DROSHA: variants seen among roughly 807,000 people sequenced by gnomAD.
DROSHA encodes the protein ribonuclease 3.
In DROSHA, 56 loss-of-function variants were observed where a neutral mutation model predicts 181.9. That is an observed-to-expected ratio of 0.31 (90% confidence interval 0.25 to 0.38). The LOEUF (loss-of-function observed/expected upper bound fraction) is 0.38. Ranked by LOEUF, DROSHA falls within the 10% of genes least tolerant of loss-of-function variation. The pLI is 1.00. For missense variants in DROSHA, 1,218 were observed against 1,743.5 expected (o/e 0.70, Z 5.37); for synonymous variants, 524 against 591.2 (o/e 0.89, Z 1.65).
chr5:31,437,942 C>G (rs1745093886), intron 23 of DROSHA, among the ~76,000 whole-genome samples: 1 of 152,150 alleles, frequency 6.6e-6, no homozygotes, highest in African/African-American at 2.4e-5. Flanking sequence ...CACTGAAAAT[C>G]TACTCACCCC....
At chr5:31,468,880 A>C (rs1178773897) in intron 17 of DROSHA, among the ~76,000 whole-genome samples, 1 of 152,104 alleles carries the variant, frequency 6.6e-6, no homozygotes, top group Admixed American at 6.5e-5. Flanking sequence ...AGAGGCCAAT[A>C]ATCTTCATTC....
intron 11 of DROSHA, 98 bp from the exon 12 acceptor site, chr5:31,495,470 G>A: frequency 8.8e-7 from 1 of 1,138,710 alleles, no homozygotes; most frequent in Non-Finnish European, 1.2e-6. Flanking sequence ...AACAAAACAG[G>A]TTTTATGTCT....
At chr5:31,413,826 T>C (rs1432735955) in intron 30 of DROSHA, among the ~76,000 whole-genome samples, 2 of 152,234 alleles carry the variant, frequency 1.3e-5, no homozygotes, top group Non-Finnish European at 2.9e-5. Flanking sequence ...TTTACCTGGC[T>C]GTAACACCAG....
At chr5:31,448,478 T>A (rs998576539) in intron 23 of DROSHA, 69 bp downstream of exon 23, 28 of 1,387,402 alleles carry the variant, frequency 2.0e-5, no homozygotes, top group Non-Finnish European at 2.6e-5. Flanking sequence ...ATTGTATGCT[T>A]TAAATGAGTA....
intron 11 of DROSHA, among the ~76,000 whole-genome samples, 199 bp from the exon 12 acceptor site, chr5:31,495,571 G>A (rs964959394): frequency 5.3e-5 from 8 of 152,146 alleles, no homozygotes; most frequent in East Asian, 1.9e-4. Context: ...GCTCTCAGCC[G>A]CTTCCTCAGG....
intron 2 of DROSHA, among the ~76,000 whole-genome samples, 156 bp from the exon 3 acceptor site, chr5:31,531,080 C>T (rs764871104): frequency 6.6e-6 from 1 of 152,206 alleles, no homozygotes; most frequent in Non-Finnish European, 1.5e-5. Context: ...ATGGGAAGCA[C>T]TGTCCCAGGC....
In DROSHA at chr5:31,410,747, T is replaced by C. The variant is rs748596228; in HGVS notation, c.3666A>G (p.Glu1222=). The change falls in exon 31 of 36, where the codon GAA becomes GAG. Residue 1222 remains glutamate, a splice_region_variant and synonymous_variant. Coordinates refer to ENST00000344624, the MANE Select transcript of DROSHA (RefSeq NM_001382508.1). ...GAGAGAAAAGTGTGTGGCACTCACA[T>C]TCCAAAAGGTCCGCCAAGGTCTTGG... ...LRTKTLADLL[E]SFIAALYIDK... is the part of the protein sequence containing the mutation. The C allele has an allele frequency of 6.2e-7, 1 of 1,613,090 alleles. No homozygotes were observed. The highest frequency in any genetic ancestry group is 1.1e-5 in the South Asian group (1 of 90,916).
chr5:31,424,608 G>A lies in DROSHA; in HGVS notation c.3217-137C>T, dbSNP rs181885034. 1.0e-3 allele frequency: 1,095 copies of A among 1,099,596 alleles called. 3 individuals carry two copies. The highest frequency in any genetic ancestry group is 1.2e-3 in the Non-Finnish European group (958 of 790,474). 68.1% of individuals were successfully genotyped at this position (1,099,596 alleles called of 1,614,324 possible). A position where few individuals can be genotyped will look rare whatever the true frequency, so the allele number is the denominator to read the frequency against. On this transcript the variant is annotated intron_variant, in intron 27 of 35. Transcript: ENST00000344624. ...ACTTATGGCAAATTCAACAGTGCTG[G>A]CAAACTAATTTTTTTTTTAAGTGTA...
rs569595884 is a variant in DROSHA, at chr5:31,443,144, C to T, written c.2882+5403G>A. On this transcript the variant is annotated intron_variant, in intron 23 of 35. Coordinates refer to ENST00000344624, the MANE Select transcript of DROSHA (RefSeq NM_001382508.1). ...AAGTGATTCTCCTGCCTCAGCCACC[C>T]GAGTAGCTGGGATTACAGGAGGCCA... is the stretch of plus-strand genomic sequence containing the variant. Among the ~76,000 whole-genome samples the T allele has an allele frequency of 4.9e-4, 74 of 151,342 alleles. 1 individual carries two copies. The highest frequency in any genetic ancestry group is 1.6e-3 in the African/African-American group (66 of 41,230).
At chr5:31,472,338 G>GGTAAT (rs1749830550) in intron 16 of DROSHA, 106 bp from the exon 17 acceptor site, 16 of 1,288,922 alleles carry the variant, frequency 1.2e-5, no homozygotes, top group Non-Finnish European at 1.7e-5. Flanking sequence ...AGGAAAAAGA[G>GGTAAT]CACATACAAA....
At chr5:31,440,852 C>A (rs992604455) in intron 23 of DROSHA, among the ~76,000 whole-genome samples, 1 of 152,056 alleles carries the variant, frequency 6.6e-6, no homozygotes, top group African/African-American at 2.4e-5. Context: ...AAGGCGATTT[C>A]AAGGCCATCT....
intron 29 of DROSHA, 138 bp from the exon 30 acceptor site, chr5:31,421,515 T>G: frequency 1.5e-6 from 1 of 672,226 alleles, no homozygotes; most frequent in East Asian, 2.6e-5. Flanking sequence ...CAAATACAAT[T>G]CCCTAAGGCC....
chr5:31,489,761 C>A (rs755655213), intron 13 of DROSHA, among the ~76,000 whole-genome samples: 18 of 152,180 alleles, frequency 1.2e-4, no homozygotes, highest in Non-Finnish European at 2.5e-4. Context: ...CAGGAGTCAG[C>A]GAGTCCACTG....
intron 10 of DROSHA, among the ~76,000 whole-genome samples, chr5:31,506,029 A>G (rs1394330234): frequency 1.3e-5 from 2 of 152,228 alleles, no homozygotes; most frequent in Non-Finnish European, 2.9e-5. Context: ...ATCTAAAGTA[A>G]CAGCTGGCAA....
chr5:31,408,564 A>G (rs3805523), intron 33 of DROSHA, among the ~76,000 whole-genome samples: 35,191 of 152,022 alleles, frequency 0.23, 4,368 homozygotes, highest in East Asian at 0.46. Flanking sequence ...TTCAAAGTAC[A>G]TGATGGCTTT....
chr5:31,511,223 C>CATATCAAAGATATGTAAG, intron 8 of DROSHA, 47 bp from the exon 9 acceptor site: 1 of 1,551,476 alleles, frequency 6.4e-7, no homozygotes, highest in Non-Finnish European at 8.8e-7. Context: ...CAATAACGAT[C>CATATCAAAGATATGTAAG]ATATCAAAGA....
At chr5:31,478,885 C>T (rs538186943) in intron 16 of DROSHA, among the ~76,000 whole-genome samples, 5 of 152,184 alleles carry the variant, frequency 3.3e-5, no homozygotes, top group Non-Finnish European at 7.3e-5. Context: ...TTAAAATGTA[C>T]ATACTATCTT....
intron 8 of DROSHA, among the ~76,000 whole-genome samples, chr5:31,513,206 G>A (rs563059376): frequency 5.9e-5 from 9 of 152,306 alleles, no homozygotes; most frequent in East Asian, 1.9e-4. Context: ...TGCATCCTGC[G>A]TGTGAGGATG....
At chr5:31,503,048 T>C (rs766663583) in intron 11 of DROSHA, among the ~76,000 whole-genome samples, 2 of 151,954 alleles carry the variant, frequency 1.3e-5, no homozygotes, top group Non-Finnish European at 2.9e-5. Flanking sequence ...GAAGGGAGCA[T>C]GACGAGCTCT....
Sources: gnomAD v4.1 joint callset for allele counts (sites outside exome capture counted in the v4.1 genomes callset) on GRCh38, gnomAD v4.1.1 for gene constraint, MANE v1.5 for transcripts, NCBI Gene and HGNC (gene_info 2026-07-23, HGNC 2026-07-21) for gene names.